Variants in ERC2 observed in about 807,000 individuals in gnomAD.
ERC2 encodes the protein ELKS/RAB6-interacting/CAST family member 2, also known as ERC protein 2.
ERC2 carries 42 observed loss-of-function variants against 114.8 expected under a neutral mutation model. That is an observed-to-expected ratio of 0.37 (90% CI 0.29 to 0.47). ERC2 has a LOEUF of 0.47. ERC2 is among the 20% of genes least tolerant of loss of function. The pLI is 0.99. For synonymous variants in ERC2, 454 were observed against 425.5 expected, an observed-to-expected ratio of 1.07 and a Z score of -0.82; for missense variants, 939 against 1,150.7, an observed-to-expected ratio of 0.82 and a Z score of 2.66.
intron 2 of ERC2, 150 bp downstream of exon 2, chr3:56,434,201 C>G (rs1460613341): frequency 7.6e-6 from 5 of 656,092 alleles, no homozygotes; most frequent in Non-Finnish European, 1.3e-5. Context: ...CCTATGCTCT[C>G]TCATAGTGTC....
rs1000476677 is a variant in ERC2 at position 55,514,503 on chromosome 3, C to T, written c.*40-3227G>A. Among the ~76,000 whole-genome samples, 6 of 152,248 alleles carry T rather than the reference C, an allele frequency of 3.9e-5. No individual in the cohort carries two copies. In the East Asian group the frequency reaches 7.7e-4, roughly 20 times the overall value. On this transcript the variant is annotated intron_variant, in intron 17 of 17. Transcript: ENST00000288221. Reference sequence around the variant, plus strand: ...TGAGTGGACCTAATTTAATGACAGACGCCCTTTAATAGCAGAGACTTTTAT... The same window carrying T: ...TGAGTGGACCTAATTTAATGACAGATGCCCTTTAATAGCAGAGACTTTTAT...
At chr3:55,967,856 C>CTTGCCTTT in intron 12 of ERC2, among the ~76,000 whole-genome samples, 1 of 152,300 alleles carries the variant, frequency 6.6e-6, no homozygotes, top group African/African-American at 2.4e-5. Context: ...CTTGCCCTCT[C>CTTGCCTTT]TTGCCTTTCT....
At chr3:56,043,160 G>A (rs1299073853) in intron 7 of ERC2, among the ~76,000 whole-genome samples, 1 of 151,994 alleles carries the variant, frequency 6.6e-6, no homozygotes, top group African/African-American at 2.4e-5. Flanking sequence ...TATCGTGATA[G>A]TCAGAAAGAA....
intron 4 of ERC2, among the ~76,000 whole-genome samples, chr3:56,169,223 C>G (rs1042749275): frequency 6.6e-6 from 1 of 152,120 alleles, no homozygotes; most frequent in Admixed American, 6.5e-5. Context: ...TTACTAAAAC[C>G]CTTATGTCAC....
chr3:56,021,264 T>C (rs2073693585), intron 7 of ERC2, among the ~76,000 whole-genome samples: 1 of 152,116 alleles, frequency 6.6e-6, no homozygotes, highest in Non-Finnish European at 1.5e-5. Context: ...TTAACTTTTG[T>C]AGGGTAAGGT....
chr3:56,346,776 G>A (rs563210984), intron 2 of ERC2, among the ~76,000 whole-genome samples: 19 of 152,294 alleles, frequency 1.2e-4, no homozygotes, highest in African/African-American at 1.7e-4. Flanking sequence ...ATTTCTCACC[G>A]TTCTGGAGAC....
chr3:56,265,717 T>G (rs2053245824), intron 3 of ERC2, among the ~76,000 whole-genome samples: 1 of 152,042 alleles, frequency 6.6e-6, no homozygotes, highest in African/African-American at 2.4e-5. Flanking sequence ...GAGGTAAATA[T>G]TCAAAATATA....
At chr3:56,155,442 T>C (rs1270933234) in intron 4 of ERC2, among the ~76,000 whole-genome samples, 1 of 151,684 alleles carries the variant, frequency 6.6e-6, no homozygotes, top group South Asian at 2.1e-4. Context: ...CCTATCTGAA[T>C]GATTGGGCCC....
intron 2 of ERC2, among the ~76,000 whole-genome samples, chr3:56,345,557 G>C (rs114035186): frequency 0.014 from 2,125 of 152,308 alleles, 53 homozygotes; most frequent in African/African-American, 0.048. Context: ...GGTGAGGCTA[G>C]ATTGCCTACT....
At chr3:55,944,369 ATT>A (rs1221890111) in intron 13 of ERC2, among the ~76,000 whole-genome samples, 1 of 152,226 alleles carries the variant, frequency 6.6e-6, no homozygotes, top group East Asian at 1.9e-4. Context: ...GCAACACTTG[ATT>A]AAGAGTAAAC....
chr3:56,343,456 T>TAA (rs879726443), intron 2 of ERC2, among the ~76,000 whole-genome samples: 2 of 145,718 alleles, frequency 1.4e-5, no homozygotes, highest in African/African-American at 5.0e-5. Flanking sequence ...GCTTCAAAAT[T>TAA]AAAAAAAAAA....
chr3:56,333,330 C>G (rs34713833), intron 2 of ERC2, among the ~76,000 whole-genome samples: 34,844 of 152,142 alleles, frequency 0.23, 4,422 homozygotes, highest in Admixed American at 0.28. Flanking sequence ...GATTTAGGTG[C>G]CACAACATTC....
chr3:56,073,168 T>C (rs549232559), intron 7 of ERC2, among the ~76,000 whole-genome samples: 1 of 152,256 alleles, frequency 6.6e-6, no homozygotes, highest in Middle Eastern at 3.4e-3. Context: ...TCAACTGAGA[T>C]AATACTGAAA....
intron 3 of ERC2, among the ~76,000 whole-genome samples, chr3:56,245,959 G>GGATT (rs2051669990): frequency 1.3e-5 from 2 of 151,966 alleles, no homozygotes; most frequent in South Asian, 4.2e-4. Flanking sequence ...CAAATAAAGG[G>GGATT]GATTTTTCAT....
chr3:55,558,307 T>C lies in ERC2; in HGVS notation c.*40-47031A>G, dbSNP rs1397264927. Reference sequence around the variant, plus strand: ...GCACGTAATAGATGGCTTAAAAATATTTCAGAAATGCAGGTATGAATAAAA... The same window carrying C: ...GCACGTAATAGATGGCTTAAAAATACTTCAGAAATGCAGGTATGAATAAAA... On this transcript the variant is annotated intron_variant, in intron 17 of 17. Coordinates refer to ENST00000288221, the MANE Select transcript of ERC2 (RefSeq NM_015576.3). 2.6e-5 allele frequency among the ~76,000 whole-genome samples: 4 copies of C among 152,286 alleles called. No individual in the cohort carries two copies. In the East Asian group the frequency reaches 5.8e-4, roughly 22 times the overall value.
At chr3:55,722,415 C>T (rs1033152277) in intron 15 of ERC2, among the ~76,000 whole-genome samples, 5 of 152,168 alleles carry the variant, frequency 3.3e-5, no homozygotes, top group Non-Finnish European at 7.4e-5. Flanking sequence ...CATGGCTCAC[C>T]CCCCACTTGG....
intron 6 of ERC2, among the ~76,000 whole-genome samples, chr3:56,128,917 G>A (rs1224562436): frequency 1.3e-5 from 2 of 152,206 alleles, no homozygotes; most frequent in African/African-American, 2.4e-5. Context: ...CAACTGCCAA[G>A]TAGTATTGTA....
chr3:55,767,544 T>C (rs2067892319), intron 14 of ERC2, among the ~76,000 whole-genome samples: 1 of 152,172 alleles, frequency 6.6e-6, no homozygotes, highest in East Asian at 1.9e-4. Context: ...GGTGCTTTAA[T>C]TCCCAGGAGG....
intron 7 of ERC2, among the ~76,000 whole-genome samples, chr3:56,054,282 T>C (rs1010406984): frequency 6.6e-6 from 1 of 152,200 alleles, no homozygotes; most frequent in South Asian, 2.1e-4. Flanking sequence ...TGAATCTGCT[T>C]TGAATTGGAA....
Sources: allele counts gnomAD v4.1 joint callset (sites outside exome capture counted in the v4.1 genomes callset), GRCh38; gene constraint gnomAD v4.1.1; transcripts MANE v1.5; gene names NCBI Gene and HGNC (gene_info 2026-07-23, HGNC 2026-07-21).